MYPN: variants seen among roughly 807,000 people sequenced by gnomAD.
The protein encoded by MYPN is myopalladin.
A neutral mutation model predicts 129.4 loss-of-function variants in MYPN; 63 were observed. The ratio of observed to expected loss-of-function variants is 0.49; its 90% CI spans 0.40 to 0.60. MYPN has a LOEUF of 0.60. Among genes scored for constraint, MYPN ranks in the 20% least tolerant of loss-of-function variants. The pLI is 0.00. For missense variants in MYPN, 1,596 were observed against 1,635.4 expected (o/e 0.98, Z 0.42); for synonymous variants, 629 against 600.9 (o/e 1.05, Z -0.68).
chr10:68,130,174 T>G (rs563009144), intron 2 of MYPN, among the ~76,000 whole-genome samples: 133 of 152,324 alleles, frequency 8.7e-4, no homozygotes, highest in African/African-American at 2.4e-3. Flanking sequence ...AAATATCCTG[T>G]ATAGACTGGG....
intron 2 of MYPN, among the ~76,000 whole-genome samples, chr10:68,135,880 A>G (rs1353525131): frequency 6.6e-6 from 1 of 152,086 alleles, no homozygotes; most frequent in Non-Finnish European, 1.5e-5. Flanking sequence ...ATATAATTAT[A>G]AAATATATAA....
intron 1 of MYPN, among the ~76,000 whole-genome samples, chr10:68,115,101 A>C (rs1232206070): frequency 6.6e-6 from 1 of 151,980 alleles, no homozygotes; most frequent in Non-Finnish European, 1.5e-5. Flanking sequence ...TCTACTAAAA[A>C]CACAAAAATT....
At chr10:68,095,444 A>C (rs2041952125) in intron 1 of MYPN, among the ~76,000 whole-genome samples, 1 of 152,034 alleles carries the variant, frequency 6.6e-6, no homozygotes, top group Non-Finnish European at 1.5e-5. Flanking sequence ...GCACTGTGGC[A>C]AGGTGGGAGA....
At chr10:68,190,834 C>A (rs949762792) in intron 13 of MYPN, among the ~76,000 whole-genome samples, 59 of 152,284 alleles carry the variant, frequency 3.9e-4, no homozygotes, top group Middle Eastern at 3.4e-3. Context: ...GCACTTAAGT[C>A]TTTAATGTAT....
rs768274852 is a variant in MYPN, at chr10:68,201,823, G to C, written c.3494-6G>C. On this transcript the variant is annotated splice_polypyrimidine_tract_variant and splice_region_variant and intron_variant, in intron 17 of 19. Transcript: ENST00000358913. ...AGAAAAAAAGAATGACCCTTCTCTT[G>C]CTCAGCCAAAGAGGTGAAGAAAGCA... is the stretch of plus-strand genomic sequence containing the variant. 1 of 1,613,630 alleles carries C rather than the reference G, an allele frequency of 6.2e-7. No individual in the cohort carries two copies. Among genetic ancestry groups the C allele is most frequent in the Non-Finnish European group, 8.5e-7 (1 of 1,179,804 alleles).
chr10:68,182,406 CAT>C (rs1324691351), intron 12 of MYPN, among the ~76,000 whole-genome samples: 35 of 82,712 alleles, frequency 4.2e-4, no homozygotes, highest in East Asian at 8.8e-4. Flanking sequence ...ATATATAACA[CAT>C]ATATATAACA....
At chr10:68,133,150 G>A (rs537986328) in intron 2 of MYPN, among the ~76,000 whole-genome samples, 21 of 150,198 alleles carry the variant, frequency 1.4e-4, no homozygotes, top group South Asian at 6.4e-4. Context: ...CTCAGCCTCC[G>A]TAGTAGCTGG....
Position 68,121,759 on chromosome 10 carries a change from C to G in MYPN, c.321C>G (p.His107Gln), listed in dbSNP as rs2042246347. The G allele has an allele frequency of 6.2e-7, 1 of 1,614,224 alleles. No homozygotes were observed. Among genetic ancestry groups the G allele is most frequent in the Non-Finnish European group, 8.5e-7 (1 of 1,180,042 alleles). Residue 107 changes from histidine to glutamine, a missense_variant, in exon 2 of 20, where the codon CAC (histidine) becomes CAG (glutamine). Coordinates refer to ENST00000358913, the MANE Select transcript of MYPN (RefSeq NM_032578.4). ...RKRLSPDQMKHSPNLSFEPNF... is the reference protein window; with the variant it reads ...RKRLSPDQMKQSPNLSFEPNF... ...GACTTTCTCCTGATCAGATGAAACA[C>G]TCACCTAATTTAAGTTTTGAGCCTA...
chr10:68,200,714 C>T (rs1022593012), intron 17 of MYPN, among the ~76,000 whole-genome samples: 41 of 151,898 alleles, frequency 2.7e-4, no homozygotes, highest in African/African-American at 9.9e-4. Context: ...GCCAAGATTG[C>T]ACCACTGCAC....
intron 2 of MYPN, chr10:68,136,321 T>A: frequency 1.0e-6 from 1 of 955,686 alleles, no homozygotes; most frequent in Non-Finnish European, 1.3e-6. Context: ...CATTGACTCA[T>A]TTCTATTGAG....
chr10:68,209,889 C>T (rs7894139), intron 19 of MYPN, among the ~76,000 whole-genome samples: 79,146 of 151,644 alleles, frequency 0.52, 21,840 homozygotes, highest in African/African-American at 0.7. Flanking sequence ...AACTGGGTTT[C>T]GCCATGTTGG....
At chr10:68,158,686 A>C in intron 7 of MYPN, 59 bp downstream of exon 7, 2 of 1,176,798 alleles carry the variant, frequency 1.7e-6, no homozygotes, top group Non-Finnish European at 2.4e-6. Flanking sequence ...TATTGTACAC[A>C]CTTATTTTTA....
rs1052274086 is a variant in MYPN, at chr10:68,209,177, TC to T, written c.3794-1105del. On this transcript the variant is annotated intron_variant, in intron 19 of 19. Transcript: ENST00000358913. The stretch of plus-strand genomic sequence containing the variant: ...GGGAACGCCCTTCTGCACACCAAGG[TC>T]CCCAGAAACCTAATCAGAAGATTGC... Among the ~76,000 whole-genome samples, 97 of 151,990 alleles carry T rather than the reference TC, an allele frequency of 6.4e-4. 2 individuals carry two copies. The highest frequency in any genetic ancestry group is 8.8e-5 in the Non-Finnish European group (6 of 68,010).
intron 8 of MYPN, among the ~76,000 whole-genome samples, chr10:68,163,158 A>G (rs2087346): frequency 0.76 from 116,035 of 151,946 alleles, 45,184 homozygotes; most frequent in African/African-American, 0.86. Context: ...AGCCAGGCAT[A>G]GTGGTGCATG....
At chr10:68,145,405 T>C (rs1381265887) in intron 3 of MYPN, 70 bp from the exon 4 acceptor site, 5 of 1,203,826 alleles carry the variant, frequency 4.2e-6, no homozygotes, top group Non-Finnish European at 6.2e-6. Flanking sequence ...AAAAATCTTA[T>C]GTCGTGTTTA....
Position 68,113,628 on chromosome 10 carries a change from T to G in MYPN, c.-2+3905T>G, listed in dbSNP as rs2042111342. On this transcript the variant is annotated intron_variant, in intron 1 of 19. Coordinates refer to ENST00000358913, the MANE Select transcript of MYPN (RefSeq NM_032578.4). Reference sequence around the variant, plus strand: ...GGGAGGATTGCTTGAGCCCCAAAGCTCAAGGCTGCAGTGAGCCATGACTGC... The same window carrying G: ...GGGAGGATTGCTTGAGCCCCAAAGCGCAAGGCTGCAGTGAGCCATGACTGC... 4.0e-5 allele frequency among the ~76,000 whole-genome samples: 6 copies of G among 150,422 alleles called. No individual in the cohort carries two copies. The Admixed American group carries it at 4.0e-4, about 10-fold the overall frequency.
intron 1 of MYPN, among the ~76,000 whole-genome samples, chr10:68,093,221 A>C (rs755020454): frequency 2.0e-5 from 3 of 152,064 alleles, no homozygotes; most frequent in Non-Finnish European, 4.4e-5. Context: ...GCCTCATCCC[A>C]ACCTTGAAAA....
chr10:68,170,920 A>C lies in MYPN; in HGVS notation c.1974-3146A>C, dbSNP rs149489006. On this transcript the variant is annotated intron_variant, in intron 10 of 19. Coordinates refer to ENST00000358913, the MANE Select transcript of MYPN (RefSeq NM_032578.4). ...TCCCAGCACTTTAGGAGGCCAAGGC[A>C]GGTGGATCACTTGAGGTCAGGAGTT... 2.9e-3 allele frequency among the ~76,000 whole-genome samples: 447 copies of C among 152,246 alleles called. 1 individual carries two copies. Among genetic ancestry groups the C allele is most frequent in the African/African-American group, 0.01 (430 of 41,560 alleles).
chr10:68,204,221 C>T (rs1039792775), intron 18 of MYPN, among the ~76,000 whole-genome samples: 1 of 152,182 alleles, frequency 6.6e-6, no homozygotes, highest in African/African-American at 2.4e-5. Flanking sequence ...TCTTTGTTTT[C>T]GTATGTCCTG....
Sources: gnomAD v4.1 joint callset for allele counts (sites outside exome capture counted in the v4.1 genomes callset) on GRCh38, gnomAD v4.1.1 for gene constraint, MANE v1.5 for transcripts, NCBI Gene and HGNC (gene_info 2026-07-23, HGNC 2026-07-21) for gene names.